The following CRISPLD1 variants were observed in gnomAD, a reference collection of about 807,000 sequenced individuals.
The protein encoded by CRISPLD1 is cysteine-rich secretory protein LCCL domain-containing 1.
Under a neutral mutation model 77.5 loss-of-function variants are expected in CRISPLD1, and 60 were observed. The observed-to-expected ratio is 0.77, with a 90% CI of 0.63 to 0.96. The LOEUF (loss-of-function observed/expected upper bound fraction) is 0.96, where lower values mean the gene tolerates loss of function less well. Ranked by LOEUF, CRISPLD1 falls within the 40% of genes least tolerant of loss-of-function variation. The pLI, the probability that CRISPLD1 is intolerant of heterozygous loss-of-function variation, is 0.00. For missense variants in CRISPLD1, 623 were observed against 615.8 expected (o/e 1.01, Z -0.12); for synonymous variants, 195 against 200.1 (o/e 0.97, Z 0.22).
intron 4 of CRISPLD1, among the ~76,000 whole-genome samples, chr8:75,013,416 G>A (rs1260399985): frequency 6.6e-6 from 1 of 151,874 alleles, no homozygotes; most frequent in Non-Finnish European, 1.5e-5. Flanking sequence ...GTTCACAATT[G>A]GTATGTTCTA....
chr8:74,990,905 G>A (rs1447707626), intron 2 of CRISPLD1, among the ~76,000 whole-genome samples: 1 of 151,228 alleles, frequency 6.6e-6, no homozygotes, highest in Non-Finnish European at 1.5e-5. Flanking sequence ...AATGTCTTTC[G>A]AATCCCTCTC....
chr8:75,013,918 TTC>T lies in CRISPLD1; in HGVS notation c.511-64_511-63del. 9.2e-6 allele frequency: 9 copies of T among 981,922 alleles called. 1 individual carries two copies. Among genetic ancestry groups the T allele is most frequent in the South Asian group, 6.8e-5 (5 of 73,480 alleles). 60.8% of individuals were successfully genotyped at this position (981,922 alleles called of 1,614,324 possible). ...TCTCACATTCAAATTTTATGCATTT[TTC>T]TCTCAGAAGTGTTGTCCTATTTCAT... On this transcript the variant is annotated intron_variant, in intron 4 of 14. Transcript: ENST00000262207.
At chr8:74,992,448 T>TAA (rs1812586318) in intron 2 of CRISPLD1, among the ~76,000 whole-genome samples, 1 of 152,236 alleles carries the variant, frequency 6.6e-6, no homozygotes, top group Non-Finnish European at 1.5e-5. Flanking sequence ...TACATATTTT[T>TAA]AACATAGAGT....
At chr8:75,026,723 A>T (rs1813242388) in intron 13 of CRISPLD1, 1 of 152,200 alleles carries the variant, frequency 6.6e-6, no homozygotes, top group Non-Finnish European at 1.5e-5. Context: ...GAATTTGATC[A>T]TGTAAAGAGG....
intron 2 of CRISPLD1, among the ~76,000 whole-genome samples, chr8:74,994,484 C>G (rs1457001673): frequency 6.6e-6 from 1 of 152,140 alleles, no homozygotes; most frequent in Admixed American, 6.5e-5. Flanking sequence ...CTTCAACTTG[C>G]AAGGACTTCT....
chr8:74,996,484 A>G (rs1011514579), intron 2 of CRISPLD1, among the ~76,000 whole-genome samples: 2 of 152,114 alleles, frequency 1.3e-5, no homozygotes, highest in Non-Finnish European at 2.9e-5. Context: ...GGAGCTAATC[A>G]TATTGGGTAG....
At chr8:74,996,819 A>G (rs558274209) in intron 2 of CRISPLD1, among the ~76,000 whole-genome samples, 5 of 149,134 alleles carry the variant, frequency 3.4e-5, no homozygotes, top group African/African-American at 1.2e-4. Context: ...TCTGGGCCCA[A>G]GCAATCCTCC....
chr8:75,008,477 A>G (rs187984669), intron 2 of CRISPLD1, among the ~76,000 whole-genome samples: 89 of 152,320 alleles, frequency 5.8e-4, no homozygotes, highest in Non-Finnish European at 1.1e-3. Flanking sequence ...AATATGTACC[A>G]TGCTTATTGT....
At position 75,014,880 on chromosome 8, in the gene CRISPLD1, G is replaced by C; in HGVS notation, c.695G>C (p.Gly232Ala). The C allele has an allele frequency of 6.3e-7, 1 of 1,577,662 alleles. No individual in the cohort carries two copies. ...RPCSACPPSF[G>A]GGCRENLCYK... ...TGTTCTGCTTGCCCACCTAGTTTTG[G>C]AGGGGGCTGTAGAGAAAATCTGTGC... Residue 232 changes from glycine (G) to alanine (A), a missense_variant, in exon 6 of 15, where the codon GGA (glycine) becomes GCA (alanine). Physicochemically the swap from Gly to Ala is moderately conservative, Grantham distance 60. Coordinates refer to ENST00000262207, the MANE Select transcript of CRISPLD1 (RefSeq NM_031461.6).
At chr8:75,017,156 A>G (rs761652703) in intron 9 of CRISPLD1, 43 bp downstream of exon 9, 6 of 1,556,902 alleles carry the variant, frequency 3.9e-6, no homozygotes, top group South Asian at 1.1e-5. Context: ...GAGTCATTCC[A>G]TGTAATATTT....
rs562040217 is a variant in CRISPLD1 at position 74,986,299 on chromosome 8, A to G, written c.258+54A>G. ...AAAAGAAATGTTTATTCATGCTTTC[A>G]GTCAGCAGTCTTCATGCTGTTCTTT... On this transcript the variant is annotated intron_variant, in intron 2 of 14. Transcript: ENST00000262207. The G allele has an allele frequency of 1.3e-5, 20 of 1,512,734 alleles. No homozygotes were observed. The South Asian group carries it at 1.5e-4, about 12-fold the overall frequency. The allele number at this position is 1,512,734 out of a possible 1,614,324, so 93.7% of individuals were successfully genotyped here. A position where few individuals can be genotyped will look rare whatever the true frequency, so the allele number is the denominator to read the frequency against.
intron 6 of CRISPLD1, among the ~76,000 whole-genome samples, chr8:75,016,116 A>C (rs554987511): frequency 6.6e-6 from 1 of 152,196 alleles, no homozygotes; most frequent in Non-Finnish European, 1.5e-5. Flanking sequence ...ATAAATAATA[A>C]GGGCATGTAA....
intron 12 of CRISPLD1, among the ~76,000 whole-genome samples, chr8:75,023,414 C>T (rs1040202131): frequency 6.6e-6 from 1 of 152,322 alleles, no homozygotes; most frequent in South Asian, 2.1e-4. Context: ...AAACCCCAAA[C>T]AGCATCTTTT....
intron 2 of CRISPLD1, among the ~76,000 whole-genome samples, chr8:74,987,506 A>C (rs2128780348): frequency 6.6e-6 from 1 of 152,360 alleles, no homozygotes; most frequent in Non-Finnish European, 1.5e-5. Context: ...TCAAGATCTC[A>C]GTAAATGTTA....
At chr8:75,010,958 A>G (rs1377404338) in intron 2 of CRISPLD1, among the ~76,000 whole-genome samples, 1 of 151,902 alleles carries the variant, frequency 6.6e-6, no homozygotes, top group Non-Finnish European at 1.5e-5. Context: ...TGAAATATGC[A>G]TGGAAATACC....
intron 2 of CRISPLD1, among the ~76,000 whole-genome samples, chr8:74,988,229 A>T (rs1407624013): frequency 6.6e-6 from 1 of 152,216 alleles, no homozygotes; most frequent in African/African-American, 2.4e-5. Context: ...GATGTAGATC[A>T]TTCTTATAAA....
chr8:75,030,800 A>G (rs1813325973), intron 14 of CRISPLD1, among the ~76,000 whole-genome samples: 1 of 151,368 alleles, frequency 6.6e-6, no homozygotes, highest in African/African-American at 2.4e-5. Context: ...ATGTGTGAGT[A>G]TGCATATGTG....
At chr8:75,002,313 A>G (rs891146058) in intron 2 of CRISPLD1, among the ~76,000 whole-genome samples, 2 of 149,886 alleles carry the variant, frequency 1.3e-5, no homozygotes, top group African/African-American at 4.9e-5. Flanking sequence ...TAATTACAGC[A>G]AATCAAGCAG....
intron 2 of CRISPLD1, among the ~76,000 whole-genome samples, chr8:74,990,281 A>G (rs1229419969): frequency 1.3e-5 from 2 of 150,052 alleles, no homozygotes; most frequent in Non-Finnish European, 2.9e-5. Context: ...CCTTAAGTCT[A>G]TTTAAAAAAA....
Sources: gnomAD v4.1 joint callset for allele counts (sites outside exome capture counted in the v4.1 genomes callset) on GRCh38, gnomAD v4.1.1 for gene constraint, MANE v1.5 for transcripts, NCBI Gene and HGNC (gene_info 2026-07-23, HGNC 2026-07-21) for gene names.